The following GNG2 variants were observed in gnomAD, a reference collection of about 807,000 sequenced individuals.
GNG2 encodes the protein guanine nucleotide-binding protein G(I)/G(S)/G(O) subunit gamma-2.
GNG2 carries 5 observed loss-of-function variants against 5.5 expected under a neutral mutation model. The observed-to-expected ratio is 0.91, with a 90% CI of 0.48 to 1.92. The LOEUF (loss-of-function observed/expected upper bound fraction) is 1.92. GNG2 is among the 30% of genes most tolerant of loss of function. GNG2 has a pLI of 0.01. For synonymous variants in GNG2, 28 were observed against 32.0 expected, an observed-to-expected ratio of 0.88 and a Z score of 0.42; for missense variants, 55 against 88.4, an observed-to-expected ratio of 0.62 and a Z score of 1.52.
chr14:51,913,193 A>G (rs747421751), intron 2 of GNG2: 1 of 152,128 alleles, frequency 6.6e-6, no homozygotes, highest in East Asian at 1.9e-4. Flanking sequence ...TTAAAAGTTA[A>G]TAAGTTGGAG....
intron 2 of GNG2, among the ~76,000 whole-genome samples, chr14:51,932,374 TAA>T (rs1436195838): frequency 1.3e-5 from 2 of 151,446 alleles, no homozygotes; most frequent in African/African-American, 2.4e-5. Flanking sequence ...GACATTACGC[TAA>T]GTGAAATAAG....
At chr14:51,962,047 T>G (rs1889645038) in intron 3 of GNG2, among the ~76,000 whole-genome samples, 1 of 152,228 alleles carries the variant, frequency 6.6e-6, no homozygotes, top group African/African-American at 2.4e-5. Context: ...GGAAATCATT[T>G]AAAACTGAGA....
chr14:51,940,849 G>A (rs568060154), intron 2 of GNG2, among the ~76,000 whole-genome samples: 1 of 152,216 alleles, frequency 6.6e-6, no homozygotes, highest in Admixed American at 6.5e-5. Context: ...GACAAACAAC[G>A]ACCCTGAAAC....
intron 2 of GNG2, among the ~76,000 whole-genome samples, chr14:51,944,699 TAAAAG>T (rs1351417791): frequency 4.6e-5 from 7 of 152,254 alleles, no homozygotes; most frequent in Middle Eastern, 3.4e-3. Flanking sequence ...ATAAAACTCT[TAAAAG>T]AAAACATAGG....
chr14:51,847,875 C>CTTTTTTT lies in GNG2; in HGVS notation c.64+20073_64+20074insTTTTTTT, dbSNP rs1555348001. 3.0e-5 allele frequency among the ~76,000 whole-genome samples: 2 copies of CTTTTTTT among 66,148 alleles called. 1 individual carries two copies. The allele number at this position is 66,148 out of a possible 152,430, so 43.4% of individuals were successfully genotyped here. ...GGATGTTACTCTATGAATACAGGTC[C>CTTTTTTT]TTTTTCTTTTTTTTTTTTTTTTTTT... is the stretch of plus-strand genomic sequence containing the variant. On this transcript the variant is annotated intron_variant, in intron 2 of 3. Coordinates refer to the GNG2 transcript ENST00000553432.
At chr14:51,959,730 A>G (rs931021178) in intron 3 of GNG2, among the ~76,000 whole-genome samples, 7 of 29,358 alleles carry the variant, frequency 2.4e-4, no homozygotes, top group African/African-American at 5.3e-4. Context: ...GTTTCTACCA[A>G]AAGATTATTT....
intron 2 of GNG2, among the ~76,000 whole-genome samples, chr14:51,882,674 G>A (rs552672344): frequency 1.6e-4 from 24 of 152,258 alleles, no homozygotes; most frequent in Non-Finnish European, 2.8e-4. Flanking sequence ...TCCACCTATC[G>A]TGGGACAGAA....
chr14:51,913,569 T>C (rs1363753525), intron 2 of GNG2, among the ~76,000 whole-genome samples: 1 of 152,208 alleles, frequency 6.6e-6, no homozygotes, highest in Admixed American at 6.5e-5. Context: ...TGCCATGGGA[T>C]CATAGGATGA....
intron 2 of GNG2, among the ~76,000 whole-genome samples, chr14:51,921,596 A>C (rs531127035): frequency 4.9e-4 from 74 of 152,330 alleles, no homozygotes; most frequent in African/African-American, 1.7e-3. Flanking sequence ...CTTGGGACAC[A>C]GGCAGGTAAT....
rs1482751945 is a variant in GNG2, at chr14:51,860,781, G to T, written c.-80G>T. 6.6e-6 allele frequency: 1 copy of T among 152,196 alleles called. No homozygotes were observed. Among genetic ancestry groups the T allele is most frequent in the Non-Finnish European group, 1.5e-5 (1 of 68,050 alleles). 9.4% of individuals were successfully genotyped at this position (152,196 alleles called of 1,614,324 possible). On this transcript the variant is annotated 5_prime_UTR_variant, in exon 1 of 4. Coordinates refer to ENST00000556766, the MANE Select transcript of GNG2 (RefSeq NM_053064.5). ...AACCACGCTCCTCGGACCAAGCCTC[G>T]GGAGCTAAGGTAAATGAAACGTTTT... is the stretch of plus-strand genomic sequence containing the variant.
intron 1 of GNG2, among the ~76,000 whole-genome samples, chr14:51,874,883 T>C (rs961194223): frequency 1.3e-5 from 2 of 152,268 alleles, no homozygotes; most frequent in South Asian, 4.1e-4. Context: ...GGAAAGAAGA[T>C]ACATGTTTCC....
intron 2 of GNG2, among the ~76,000 whole-genome samples, chr14:51,911,635 T>TCAGCCATATATAAATGTTAGCTTTCATTA (rs1555353898): frequency 4.7e-5 from 7 of 149,660 alleles, no homozygotes; most frequent in East Asian, 2.1e-4. Flanking sequence ...CCTCTAACTC[T>TCAGCCATATATAAATGTTAGCTTTCATTA]TGGGCTCATG....
intron 2 of GNG2, among the ~76,000 whole-genome samples, chr14:51,830,452 C>T (rs1007708341): frequency 6.6e-6 from 1 of 152,216 alleles, no homozygotes; most frequent in African/African-American, 2.4e-5. Flanking sequence ...TATTGGACAT[C>T]TCCACTGGAT....
chr14:51,956,200 G>A (rs1889265873), intron 3 of GNG2, among the ~76,000 whole-genome samples: 1 of 152,092 alleles, frequency 6.6e-6, no homozygotes. Context: ...GCAATAAGTT[G>A]GAAATAGCAA....
chr14:51,850,737 T>G (rs905576286), intron 2 of GNG2, among the ~76,000 whole-genome samples: 1 of 152,114 alleles, frequency 6.6e-6, no homozygotes, highest in African/African-American at 2.4e-5. Context: ...CTTACAATCA[T>G]GGTAGAAGGT....
chr14:51,849,475 A>C (rs1277025489), intron 2 of GNG2, among the ~76,000 whole-genome samples: 1 of 152,236 alleles, frequency 6.6e-6, no homozygotes, highest in Admixed American at 6.5e-5. Context: ...CTTGGAGAGC[A>C]AAGCAAAGTG....
At chr14:51,953,952 C>T (rs1382747667) in intron 3 of GNG2, among the ~76,000 whole-genome samples, 1 of 152,104 alleles carries the variant, frequency 6.6e-6, no homozygotes, top group Non-Finnish European at 1.5e-5. Flanking sequence ...GAACCTACTG[C>T]AACTGAGGTG....
chr14:51,908,042 T>A (rs1566678968), intron 2 of GNG2, among the ~76,000 whole-genome samples: 1 of 152,260 alleles, frequency 6.6e-6, no homozygotes, highest in South Asian at 2.1e-4. Context: ...CTAATAGTTT[T>A]GTGGATCTGG....
chr14:51,830,774 A>G (rs578258502), intron 2 of GNG2, among the ~76,000 whole-genome samples: 9 of 152,224 alleles, frequency 5.9e-5, no homozygotes, highest in African/African-American at 1.9e-4. Context: ...TGCTTTCATC[A>G]TTGTCCCCAT....
Sources: gnomAD v4.1 joint callset for allele counts (sites outside exome capture counted in the v4.1 genomes callset) on GRCh38, gnomAD v4.1.1 for gene constraint, MANE v1.5 for transcripts, NCBI Gene and HGNC (gene_info 2026-07-23, HGNC 2026-07-21) for gene names.